The following OTOG variants were observed in gnomAD, a reference collection of about 807,000 sequenced individuals.
OTOG encodes otogelin.
A neutral mutation model predicts 313.8 loss-of-function variants in OTOG; 296 were observed. That is an observed-to-expected ratio of 0.94 (90% CI 0.86 to 1.04). OTOG has a LOEUF of 1.04. Ranked by LOEUF, OTOG falls within the 50% of genes least tolerant of loss-of-function variation. The pLI is 0.00. For synonymous variants in OTOG, 1,533 were observed against 1,554.9 expected (o/e 0.99, Z 0.33); for missense variants, 3,948 against 3,840.1 (o/e 1.03, Z -0.74).
At chr11:17,600,500 T>G (rs1363824154) in intron 31 of OTOG, among the ~76,000 whole-genome samples, 1 of 152,144 alleles carries the variant, frequency 6.6e-6, no homozygotes, top group East Asian at 1.9e-4. Context: ...CTCAGTTGCC[T>G]GCATTATCAG....
chr11:17,634,191 C>T lies in OTOG; in HGVS notation c.7390C>T (p.Pro2464Ser). 2 of 1,550,408 alleles carry T rather than the reference C, an allele frequency of 1.3e-6. No homozygotes were observed. Among genetic ancestry groups the T allele is most frequent in the Non-Finnish European group, 1.7e-6 (2 of 1,146,960 alleles). Reference sequence around the variant, plus strand: ...CATTGTCCCGGTGGATCTGGGCTGCCCCAGTCCCCGCCCTGAGAGCTGCCT... The same window carrying T: ...CATTGTCCCGGTGGATCTGGGCTGCTCCAGTCCCCGCCCTGAGAGCTGCCT... ...DTIVPVDLGC[P>S]SPRPESCLRF... Residue 2464 changes from proline to serine, a missense_variant, in exon 44 of 56, where the codon CCC becomes TCC. Pro to Ser is a moderately conservative substitution (Grantham distance 74). Transcript: ENST00000399397.
rs965951312 is a variant in OTOG at position 17,557,145 on chromosome 11, C to T, written c.687C>T (p.Ser229=). The change falls in exon 8 of 56, where the codon AGC becomes AGT. Residue 229 remains serine, a synonymous_variant. Transcript: ENST00000399397. The stretch of plus-strand genomic sequence containing the variant: ...TCCAACTGCCACATGTCATGGGGAG[C>T]GCGCGTCTGCAGCAGCTTGCCGGCT... ...MRVQLPHVMG[S]ARLQQLAGYV... The T allele has an allele frequency of 1.2e-5, 19 of 1,550,324 alleles. No individual in the cohort carries two copies. The highest frequency in any genetic ancestry group is 5.5e-5 in the African/African-American group (4 of 73,124).
At chr11:17,639,500 G>A in intron 49 of OTOG, 37 bp downstream of exon 49, 1 of 1,545,466 alleles carries the variant, frequency 6.5e-7, no homozygotes, top group Non-Finnish European at 8.8e-7. Context: ...TCCCTGGTCT[G>A]CTCCCCTTTC....
intron 39 of OTOG, among the ~76,000 whole-genome samples, chr11:17,620,342 T>G (rs141414681): frequency 2.6e-5 from 4 of 152,354 alleles, no homozygotes; most frequent in Non-Finnish European, 5.9e-5. Flanking sequence ...TCAGACAATA[T>G]CTGACCTTTT....
Position 17,596,979 on chromosome 11 carries a change from T to C in OTOG, c.3654T>C (p.Ala1218=), listed in dbSNP as rs1853125175. The part of the protein sequence containing the change: ...YAHQCCQHGV[A]VDWRTPRLCP... ...ACCAGTGTTGCCAGCATGGGGTGGC[T>C]GTTGACTGGCGAACCCCCCGCCTCT... Residue 1218 remains alanine, a synonymous_variant, in exon 30 of 56, where the codon GCT becomes GCC. Coordinates refer to ENST00000399397, the MANE Select transcript of OTOG (RefSeq NM_001292063.2). The C allele has an allele frequency of 1.3e-6, 2 of 1,550,466 alleles. No homozygotes were observed. The highest frequency in any genetic ancestry group is 2.0e-5 in the Admixed American group (1 of 50,994).
At chr11:17,640,613 C>T (rs1847947775) in intron 49 of OTOG, 132 bp from the exon 50 acceptor site, 1 of 978,190 alleles carries the variant, frequency 1.0e-6, no homozygotes, top group Non-Finnish European at 1.5e-6. Context: ...GCTGAGGGGC[C>T]CCAGGCCTGC....
chr11:17,645,835 G>C lies in OTOG; in HGVS notation c.8633G>C (p.Arg2878Pro). The C allele has an allele frequency of 6.4e-7, 1 of 1,550,994 alleles. No homozygotes were observed. The highest frequency in any genetic ancestry group is 8.7e-7 in the Non-Finnish European group (1 of 1,147,080). ...TATGCCCGATTCTGCAAGTGCTGCCGTGAGGTGGGCCTGCAGCGGCGCTCT... is the reference window on the plus strand; with the variant it reads ...TATGCCCGATTCTGCAAGTGCTGCCCTGAGGTGGGCCTGCAGCGGCGCTCT... ...NTYARFCKCC[R>P]EVGLQRRSVQ... The change falls in exon 56 of 56, where the codon CGT (arginine) becomes CCT (proline). Residue 2878 changes from arginine (R) to proline (P), a missense_variant. Coordinates refer to ENST00000399397, the MANE Select transcript of OTOG (RefSeq NM_001292063.2).
chr11:17,564,884 T>C (rs919132199), intron 15 of OTOG, among the ~76,000 whole-genome samples: 2 of 152,210 alleles, frequency 1.3e-5, no homozygotes, highest in African/African-American at 4.8e-5. Flanking sequence ...TTGGATGTTA[T>C]CACAGCATCT....
At chr11:17,577,655 T>C (rs1305272322) in intron 22 of OTOG, among the ~76,000 whole-genome samples, 2 of 152,124 alleles carry the variant, frequency 1.3e-5, no homozygotes, top group Non-Finnish European at 2.9e-5. Flanking sequence ...GTTTTGTGTA[T>C]AATCCTGGAA....
chr11:17,581,245 C>G (rs1852658878), intron 23 of OTOG, among the ~76,000 whole-genome samples: 1 of 152,164 alleles, frequency 6.6e-6, no homozygotes, highest in Non-Finnish European at 1.5e-5. Context: ...AGGAGGAGTT[C>G]AGCCTCCAGA....
intron 42 of OTOG, among the ~76,000 whole-genome samples, chr11:17,632,724 C>T (rs1854160647): frequency 6.6e-6 from 1 of 152,160 alleles, no homozygotes; most frequent in Admixed American, 6.5e-5. Context: ...CTGCCTCCTC[C>T]TCCCCCAATT....
At chr11:17,558,513 C>T (rs758600332) in intron 9 of OTOG, 25 bp from the exon 10 acceptor site, 1 of 1,549,830 alleles carries the variant, frequency 6.5e-7, no homozygotes, top group Non-Finnish European at 8.7e-7. Flanking sequence ...AGCCCCTAGC[C>T]CTGGCTCCTG....
rs875695 is a variant in OTOG, at chr11:17,593,877, G to A, written c.3288+121G>A. ...AGAGCATGCCTCTGTTCTCTCCTCC[G>A]CCCTGCTCTGGGCCCCTTCTCCTCT... On this transcript the variant is annotated intron_variant, in intron 27 of 55. Coordinates refer to ENST00000399397, the MANE Select transcript of OTOG (RefSeq NM_001292063.2). 56,770 of 1,413,842 alleles carry A rather than the reference G, an allele frequency of 0.04. 1,466 individuals are homozygous for A. The highest frequency in any genetic ancestry group is 0.099 in the African/African-American group (6,918 of 70,122). The allele number at this position is 1,413,842 out of a possible 1,614,324, so 87.6% of individuals were successfully genotyped here. A position where few individuals can be genotyped will look rare whatever the true frequency, so the allele number is the denominator to read the frequency against.
Position 17,594,137 on chromosome 11 carries a change from G to T in OTOG, c.3379G>T (p.Glu1127Ter). 6.4e-7 allele frequency: 1 copy of T among 1,550,604 alleles called. No homozygotes were observed. Residue 1127 changes from glutamate (E) to a stop codon, truncating the protein, a stop_gained, in exon 28 of 56, where the codon GAG (glutamate) becomes TAG (stop). Transcript: ENST00000399397. LOFTEE classifies it high-confidence loss of function. Reference protein sequence around the residue: ...PENLELTNPQEFGSSWAAVEC... With the variant: ...PENLELTNPQ ...GAACCTAGAGCTAACTAACCCCCAGGAGTTTGGCAGCAGTTGGGCTGCAGT... is the reference window on the plus strand; with the variant it reads ...GAACCTAGAGCTAACTAACCCCCAGTAGTTTGGCAGCAGTTGGGCTGCAGT...
At chr11:17,561,030 C>A in intron 13 of OTOG, 61 bp from the exon 14 acceptor site, 2 of 1,529,704 alleles carry the variant, frequency 1.3e-6, no homozygotes, top group Admixed American at 3.9e-5. Flanking sequence ...CCTGCAGTTT[C>A]CCAGCATCTA....
intron 24 of OTOG, 33 bp from the exon 25 acceptor site, chr11:17,591,417 C>T: frequency 6.5e-7 from 1 of 1,549,526 alleles, no homozygotes; most frequent in African/African-American, 1.4e-5. Context: ...GGTGGGTGTG[C>T]CCTGTGATCT....
intron 36 of OTOG, among the ~76,000 whole-genome samples, 165 bp from the exon 37 acceptor site, chr11:17,611,997 A>G (rs1853563380): frequency 1.3e-5 from 2 of 152,124 alleles, no homozygotes; most frequent in South Asian, 4.2e-4. Flanking sequence ...GTGCATCGCC[A>G]GGCCCCACAT....
intron 45 of OTOG, 38 bp from the exon 46 acceptor site, chr11:17,635,042 G>T (rs183152609): frequency 4.0e-5 from 61 of 1,539,182 alleles, no homozygotes; most frequent in South Asian, 2.8e-4. Flanking sequence ...GGCCAGGCAG[G>T]TTCCTCTCCC....
chr11:17,568,339 G>A (rs1161982253), intron 15 of OTOG, among the ~76,000 whole-genome samples: 2 of 152,066 alleles, frequency 1.3e-5, no homozygotes, highest in Non-Finnish European at 2.9e-5. Context: ...ATAATATTGT[G>A]GTATTATTAT....
Sources: allele counts gnomAD v4.1 joint callset (sites outside exome capture counted in the v4.1 genomes callset), GRCh38; gene constraint gnomAD v4.1.1; transcripts MANE v1.5; gene names NCBI Gene and HGNC (gene_info 2026-07-23, HGNC 2026-07-21).